The following LAMA4 variants were observed in gnomAD, a reference collection of about 807,000 sequenced individuals.
The protein encoded by LAMA4 is laminin subunit alpha-4.
In LAMA4, 127 loss-of-function variants were observed where a neutral mutation model predicts 207.1. That is an observed-to-expected ratio of 0.61 (90% CI 0.53 to 0.71). The LOEUF (loss-of-function observed/expected upper bound fraction) is 0.71. LAMA4 is among the 30% of genes least tolerant of loss of function. The pLI is 0.00. For synonymous variants in LAMA4, 761 were observed against 816.0 expected (o/e 0.93, Z 1.15); for missense variants, 2,093 against 2,246.5 (o/e 0.93, Z 1.38).
At chr6:112,185,422 T>C (rs1381889461) in intron 8 of LAMA4, 75 bp from the exon 9 acceptor site, 2 of 878,304 alleles carry the variant, frequency 2.3e-6, no homozygotes, top group African/African-American at 1.6e-5. Flanking sequence ...ACTCTTTCAG[T>C]GTAAGAGGAC....
intron 17 of LAMA4, 137 bp from the exon 18 acceptor site, chr6:112,148,473 C>CTA (rs1780171966): frequency 1.2e-6 from 1 of 805,924 alleles, no homozygotes; most frequent in Admixed American, 2.4e-5. Context: ...TTTTGGATAA[C>CTA]CATGTGGCTC....
chr6:112,186,821 G>A (rs1782710815), intron 8 of LAMA4: 2 of 453,768 alleles, frequency 4.4e-6, no homozygotes, highest in Admixed American at 2.4e-5. Context: ...TGGAACCTGT[G>A]GATATGGAGG....
At chr6:112,203,926 C>T (rs954526456) in intron 4 of LAMA4, among the ~76,000 whole-genome samples, 1 of 152,124 alleles carries the variant, frequency 6.6e-6, no homozygotes, top group Admixed American at 6.5e-5. Context: ...ACCCTGGATC[C>T]ACTTACACAG....
chr6:112,178,640 C>T (rs1554344570), intron 9 of LAMA4: 2 of 226,818 alleles, frequency 8.8e-6, no homozygotes, highest in Non-Finnish European at 1.8e-5. Context: ...GTCCTCATAG[C>T]TTAGCTCCCA....
At chr6:112,129,131 G>T in intron 30 of LAMA4, 56 bp from the exon 31 acceptor site, 1 of 1,461,984 alleles carries the variant, frequency 6.8e-7, no homozygotes, top group East Asian at 2.4e-5. Flanking sequence ...AGAATTACAT[G>T]ATGAATATTA....
intron 9 of LAMA4, among the ~76,000 whole-genome samples, chr6:112,183,972 A>G (rs112981609): frequency 0.029 from 4,351 of 148,252 alleles, 226 homozygotes; most frequent in African/African-American, 0.1. Context: ...AAAAAAAAGA[A>G]AAAAGAATTA....
intron 18 of LAMA4, among the ~76,000 whole-genome samples, chr6:112,147,112 A>G (rs1179650616): frequency 1.3e-5 from 2 of 152,152 alleles, no homozygotes; most frequent in African/African-American, 4.8e-5. Flanking sequence ...CAATTTTTTG[A>G]AACTTCTGGA....
chr6:112,163,693 T>C (rs1342066453), intron 13 of LAMA4, among the ~76,000 whole-genome samples: 2 of 152,090 alleles, frequency 1.3e-5, no homozygotes, highest in Admixed American at 1.3e-4. Flanking sequence ...CTCGAGACAT[T>C]TTGCTGTGAA....
At chr6:112,135,178 A>G (rs1554331179) in intron 25 of LAMA4, among the ~76,000 whole-genome samples, 1 of 152,166 alleles carries the variant, frequency 6.6e-6, no homozygotes, top group Non-Finnish European at 1.5e-5. Context: ...TAAATTTTAA[A>G]TTAGTTTTAA....
chr6:112,191,713 C>T lies in LAMA4; in HGVS notation c.641G>A (p.Arg214His), dbSNP rs139146419. 3.8e-4 allele frequency: 613 copies of T among 1,614,084 alleles called. 3 individuals are homozygous for T. In the East Asian group the frequency reaches 0.012, roughly 31 times the overall value. The change falls in exon 6 of 39, where the codon CGC becomes CAC. Residue 214 changes from arginine to histidine, a missense_variant. Coordinates refer to ENST00000230538, the MANE Select transcript of LAMA4 (RefSeq NM_001105206.3). ...TTCACACTTGAATCCGGTGGTGTTG[C>T]GTAAGCAATTCCTACACTGGCCAGT... ...EVTGQCRNCL[R>H]NTTGFKCERC...
At position 112,217,416 on chromosome 6, in the gene LAMA4, A is replaced by G. The variant is rs59303121; in HGVS notation, c.196-947T>C. On this transcript the variant is annotated intron_variant, in intron 2 of 38. Transcript: ENST00000230538. Reference sequence around the variant, plus strand: ...TCTAAAGAATTCCAGACAGATAAGAATCTGCTTTGTTTCCACAGACTTACA... The same window carrying G: ...TCTAAAGAATTCCAGACAGATAAGAGTCTGCTTTGTTTCCACAGACTTACA... Among the ~76,000 whole-genome samples, 266 of 152,312 alleles carry G rather than the reference A, an allele frequency of 1.7e-3. 1 individual carries two copies. The highest frequency in any genetic ancestry group is 6.2e-3 in the African/African-American group (257 of 41,566).
chr6:112,128,080 T>G (rs894235851), intron 31 of LAMA4, among the ~76,000 whole-genome samples: 1 of 152,168 alleles, frequency 6.6e-6, no homozygotes, highest in Non-Finnish European at 1.5e-5. Flanking sequence ...GAAACTTGAA[T>G]AATTTCCATG....
intron 32 of LAMA4, 26 bp from the exon 33 acceptor site, chr6:112,120,498 C>T (rs781101641): frequency 2.0e-5 from 32 of 1,565,526 alleles, no homozygotes; most frequent in Non-Finnish European, 2.6e-5. Flanking sequence ...AAAGGGATTA[C>T]CATATGTAAA....
intron 31 of LAMA4, among the ~76,000 whole-genome samples, chr6:112,123,286 C>G (rs1275944439): frequency 6.6e-6 from 1 of 152,158 alleles, no homozygotes; most frequent in Non-Finnish European, 1.5e-5. Context: ...TGAATGCACA[C>G]TCACAGGCAA....
At chr6:112,204,397 G>A (rs1448608812) in intron 4 of LAMA4, among the ~76,000 whole-genome samples, 3 of 152,040 alleles carry the variant, frequency 2.0e-5, no homozygotes, top group South Asian at 2.1e-4. Flanking sequence ...ATGCAAATGG[G>A]GTGAAAAGTG....
intron 2 of LAMA4, among the ~76,000 whole-genome samples, chr6:112,238,739 A>G (rs970893979): frequency 1.3e-5 from 2 of 152,186 alleles, no homozygotes; most frequent in Non-Finnish European, 2.9e-5. Context: ...AATAAAAGTA[A>G]TAGTGACATA....
chr6:112,120,224 G>A, intron 33 of LAMA4, 59 bp downstream of exon 33: 1 of 1,357,310 alleles, frequency 7.4e-7, no homozygotes. Flanking sequence ...AGGCCCATTA[G>A]TGTCCATTTG....
chr6:112,174,851 T>C (rs1554343091), intron 11 of LAMA4, among the ~76,000 whole-genome samples: 2 of 152,254 alleles, frequency 1.3e-5, no homozygotes, highest in East Asian at 3.9e-4. Context: ...GATTCAATAA[T>C]ACTACTGTGA....
intron 9 of LAMA4, among the ~76,000 whole-genome samples, chr6:112,183,505 A>G (rs1782487143): frequency 6.6e-6 from 1 of 152,186 alleles, no homozygotes; most frequent in Admixed American, 6.5e-5. Flanking sequence ...TCAAGCGTAC[A>G]TTATTTCCTC....
Sources: gnomAD v4.1 joint callset for allele counts (sites outside exome capture counted in the v4.1 genomes callset) on GRCh38, gnomAD v4.1.1 for gene constraint, MANE v1.5 for transcripts, NCBI Gene and HGNC (gene_info 2026-07-23, HGNC 2026-07-21) for gene names.